NWD2: variants seen among roughly 807,000 people sequenced by gnomAD.
NWD2 encodes NACHT and WD repeat domain containing 2.
Under a neutral mutation model 132.7 loss-of-function variants are expected in NWD2, and 37 were observed. The observed-to-expected ratio is 0.28, with a 90% CI of 0.21 to 0.37. The LOEUF is 0.37. Among genes scored for constraint, NWD2 ranks in the 10% least tolerant of loss-of-function variants. The pLI, the probability that NWD2 is intolerant of heterozygous loss-of-function variation, is 1.00. For missense variants in NWD2, 1,592 were observed against 2,122.4 expected (o/e 0.75, Z 4.91); for synonymous variants, 705 against 803.0 (o/e 0.88, Z 2.06).
At chr4:37,393,549 G>T (rs1720720853) in intron 3 of NWD2, among the ~76,000 whole-genome samples, 1 of 152,180 alleles carries the variant, frequency 6.6e-6, no homozygotes, top group Admixed American at 6.5e-5. Context: ...AATGCAAAAT[G>T]GATGCAACTA....
At chr4:37,323,597 G>A (rs189063558) in intron 1 of NWD2, among the ~76,000 whole-genome samples, 22 of 152,248 alleles carry the variant, frequency 1.4e-4, no homozygotes, top group Admixed American at 7.2e-4. Flanking sequence ...CGGTGGAATT[G>A]TAAATTAGCT....
At chr4:37,343,211 CA>C (rs1235485601) in intron 2 of NWD2, among the ~76,000 whole-genome samples, 1 of 152,168 alleles carries the variant, frequency 6.6e-6, no homozygotes, top group Non-Finnish European at 1.5e-5. Context: ...GTGAGATAAG[CA>C]TTCTAGAAAT....
At chr4:37,355,550 G>A (rs1719854485) in intron 2 of NWD2, among the ~76,000 whole-genome samples, 1 of 152,132 alleles carries the variant, frequency 6.6e-6, no homozygotes, top group African/African-American at 2.4e-5. Flanking sequence ...GTTTCCACTT[G>A]TGGGAAGCAA....
At chr4:37,366,576 G>C (rs866941930) in intron 3 of NWD2, among the ~76,000 whole-genome samples, 1 of 152,004 alleles carries the variant, frequency 6.6e-6, no homozygotes, top group African/African-American at 2.4e-5. Context: ...TTAAATACAG[G>C]TTCAACTGTA....
chr4:37,310,658 G>A (rs1260229666), intron 1 of NWD2, among the ~76,000 whole-genome samples: 1 of 151,648 alleles, frequency 6.6e-6, no homozygotes, highest in Admixed American at 6.6e-5. Flanking sequence ...TATACTTTAA[G>A]TTTTAGGGTA....
At chr4:37,417,914 T>G (rs1010093562) in intron 3 of NWD2, among the ~76,000 whole-genome samples, 2 of 152,194 alleles carry the variant, frequency 1.3e-5, no homozygotes, top group African/African-American at 4.8e-5. Context: ...ACAGTAGAGA[T>G]AGAAATATTT....
At chr4:37,416,000 T>C (rs1243102282) in intron 3 of NWD2, among the ~76,000 whole-genome samples, 1 of 152,182 alleles carries the variant, frequency 6.6e-6, no homozygotes, top group Non-Finnish European at 1.5e-5. Flanking sequence ...GCAGGATGTA[T>C]GGGCAACTCA....
Position 37,356,632 on chromosome 4 carries a change from A to G in NWD2, c.357+150A>G, listed in dbSNP as rs1387514404. On this transcript the variant is annotated intron_variant, in intron 3 of 6. Coordinates refer to ENST00000309447, the MANE Select transcript of NWD2 (RefSeq NM_001144990.2). Reference sequence around the variant, plus strand: ...CATTTTAAGCTGTCTCCTGGCTCTCAATGTATGAGAACAAAAAGCTTCAAC... The same window carrying G: ...CATTTTAAGCTGTCTCCTGGCTCTCGATGTATGAGAACAAAAAGCTTCAAC... 5.1e-6 allele frequency: 3 copies of G among 588,970 alleles called. No individual in the cohort carries two copies. The Admixed American group carries it at 8.9e-5, about 18-fold the overall frequency. The allele number at this position is 588,970 out of a possible 1,614,324, so 36.5% of individuals were successfully genotyped here.
intron 1 of NWD2, among the ~76,000 whole-genome samples, chr4:37,270,205 G>GA (rs1161278807): frequency 2.0e-5 from 3 of 151,798 alleles, no homozygotes; most frequent in African/African-American, 7.2e-5. Flanking sequence ...TATACAACTT[G>GA]AATAAGGTTA....
intron 3 of NWD2, among the ~76,000 whole-genome samples, chr4:37,361,956 A>G (rs536464814): frequency 6.6e-6 from 1 of 152,330 alleles, no homozygotes; most frequent in Non-Finnish European, 1.5e-5. Flanking sequence ...CCCATAACTG[A>G]TAAACAACTT....
At chr4:37,391,447 A>G (rs748279360) in intron 3 of NWD2, among the ~76,000 whole-genome samples, 1 of 152,224 alleles carries the variant, frequency 6.6e-6, no homozygotes, top group African/African-American at 2.4e-5. Flanking sequence ...CTTCCAAAAG[A>G]TGCTTTTTGA....
intron 3 of NWD2, among the ~76,000 whole-genome samples, chr4:37,425,140 G>C (rs1711957991): frequency 6.6e-6 from 1 of 152,098 alleles, no homozygotes; most frequent in African/African-American, 2.4e-5. Context: ...AGTTCAGAAA[G>C]TATTTTTTAA....
intron 1 of NWD2, among the ~76,000 whole-genome samples, chr4:37,321,717 T>G (rs1189647971): frequency 6.6e-6 from 1 of 152,232 alleles, no homozygotes; most frequent in Non-Finnish European, 1.5e-5. Context: ...TTAAGCCAGC[T>G]TATCTGTCAC....
intron 1 of NWD2, among the ~76,000 whole-genome samples, chr4:37,280,483 G>A (rs2109267861): frequency 6.6e-6 from 1 of 152,016 alleles, no homozygotes; most frequent in East Asian, 1.9e-4. Context: ...CAGGATATCC[G>A]GGAGAAAAAC....
At chr4:37,389,790 T>C (rs1186067369) in intron 3 of NWD2, among the ~76,000 whole-genome samples, 1 of 151,988 alleles carries the variant, frequency 6.6e-6, no homozygotes, top group East Asian at 1.9e-4. Flanking sequence ...TACGCATTTT[T>C]TTTTTTACAC....
intron 3 of NWD2, among the ~76,000 whole-genome samples, chr4:37,405,194 A>T (rs1416620516): frequency 6.6e-6 from 1 of 152,168 alleles, no homozygotes; most frequent in Admixed American, 6.5e-5. Context: ...TTATGACAGC[A>T]TCATCTTGAC....
chr4:37,327,869 G>A (rs1719205656), intron 2 of NWD2, among the ~76,000 whole-genome samples: 1 of 152,018 alleles, frequency 6.6e-6, no homozygotes, highest in Non-Finnish European at 1.5e-5. Flanking sequence ...ATCTTTGGTT[G>A]TGCACTGAAC....
intron 1 of NWD2, among the ~76,000 whole-genome samples, chr4:37,301,279 A>G (rs1718607176): frequency 6.6e-6 from 1 of 152,086 alleles, no homozygotes; most frequent in South Asian, 2.1e-4. Context: ...TCACTATGAA[A>G]TGGAATTTCA....
intron 2 of NWD2, among the ~76,000 whole-genome samples, chr4:37,332,986 T>C (rs1719325137): frequency 6.6e-6 from 1 of 152,034 alleles, no homozygotes; most frequent in Non-Finnish European, 1.5e-5. Flanking sequence ...GTGGTGGCCA[T>C]GGGAAAAGAT....
Sources: gnomAD v4.1 joint callset for allele counts (sites outside exome capture counted in the v4.1 genomes callset) on GRCh38, gnomAD v4.1.1 for gene constraint, MANE v1.5 for transcripts, NCBI Gene and HGNC (gene_info 2026-07-23, HGNC 2026-07-21) for gene names.